Variants in ARL5C observed in about 807,000 individuals in gnomAD.
ARL5C encodes the protein putative ADP-ribosylation factor-like protein 5C.
Under a neutral mutation model 20.8 loss-of-function variants are expected in ARL5C, and 21 were observed. The observed-to-expected ratio is 1.01, with a 90% confidence interval of 0.72 to 1.46. ARL5C has a LOEUF of 1.46. Ranked by LOEUF, ARL5C falls within the 40% of genes most tolerant of loss-of-function variation. The probability of loss-of-function intolerance (pLI) is 0.00; values close to 1 mark genes in which losing one functional copy is unlikely to be tolerated. For missense variants in ARL5C, 199 were observed against 225.1 expected, an observed-to-expected ratio of 0.88 and a Z score of 0.74; for synonymous variants, 71 against 81.6, an observed-to-expected ratio of 0.87 and a Z score of 0.70.
intron 5 of ARL5C, chr17:39,160,348 G>A: frequency 2.3e-6 from 1 of 438,534 alleles, no homozygotes; most frequent in Non-Finnish European, 4.1e-6. Flanking sequence ...AAGAGAGAGA[G>A]ATTATTGCAT....
At chr17:39,159,457 C>T (rs112550772) in intron 5 of ARL5C, among the ~76,000 whole-genome samples, 7 of 151,876 alleles carry the variant, frequency 4.6e-5, no homozygotes, top group Admixed American at 2.0e-4. Context: ...CCACCACACC[C>T]GGCTAATTTT....
rs2045430533 is a variant in ARL5C at position 39,160,757 on chromosome 17, G to A, written c.340-15C>T. 6.5e-7 allele frequency: 1 copy of A among 1,550,030 alleles called. No homozygotes were observed. The highest frequency in any genetic ancestry group is 8.7e-7 in the Non-Finnish European group (1 of 1,146,648). ...TCCTGTAGAGCCTGTGGACAGAGGAGCCCAGCCCCAGTCAGCCTGCTAGTG... is the reference window on the plus strand; with the variant it reads ...TCCTGTAGAGCCTGTGGACAGAGGAACCCAGCCCCAGTCAGCCTGCTAGTG... On this transcript the variant is annotated splice_polypyrimidine_tract_variant and intron_variant, in intron 4 of 5. Coordinates refer to ENST00000269586, the MANE Select transcript of ARL5C (RefSeq NM_001143968.1).
intron 4 of ARL5C, 89 bp from the exon 5 acceptor site, chr17:39,160,831 C>T (rs1222281296): frequency 3.4e-6 from 5 of 1,464,124 alleles, no homozygotes; most frequent in Non-Finnish European, 4.6e-6. Flanking sequence ...GCTCCCTCTC[C>T]AGCTGTCCCA....
In ARL5C at chr17:39,157,023, G is replaced by A. The variant is rs1176343362; in HGVS notation, c.492-81C>T. On this transcript the variant is annotated intron_variant, in intron 5 of 5. Coordinates refer to ENST00000269586, the MANE Select transcript of ARL5C (RefSeq NM_001143968.1). ...CAAGTCTCCAGCCCTTGCCCAGATC[G>A]GACTGGGTGCAGGAACCAAAGTTAC... 41 of 1,490,692 alleles carry A rather than the reference G, an allele frequency of 2.8e-5. No individual in the cohort carries two copies. In the East Asian group the frequency reaches 7.9e-4, roughly 29 times the overall value. 92.3% of individuals were successfully genotyped at this position (1,490,692 alleles called of 1,614,324 possible).
chr17:39,161,383 G>T (rs34799012), intron 3 of ARL5C, 32 bp from the exon 4 acceptor site: 17 of 1,541,750 alleles, frequency 1.1e-5, no homozygotes, highest in East Asian at 7.3e-5. Flanking sequence ...TGAGAGACAG[G>T]CTTTCTCTTT....
chr17:39,162,989 T>G, intron 2 of ARL5C, 131 bp from the exon 3 acceptor site: 1 of 1,090,646 alleles, frequency 9.2e-7, no homozygotes, highest in Non-Finnish European at 1.3e-6. Context: ...AAACACCTGC[T>G]CGGAGCCAGG....
At chr17:39,158,422 T>C (rs1417954033) in intron 5 of ARL5C, among the ~76,000 whole-genome samples, 1 of 152,062 alleles carries the variant, frequency 6.6e-6, no homozygotes, top group Non-Finnish European at 1.5e-5. Context: ...ACACCAGCCA[T>C]GGGCAACGTG....
chr17:39,158,301 A>C (rs495969), intron 5 of ARL5C, among the ~76,000 whole-genome samples: 11,794 of 151,928 alleles, frequency 0.078, 554 homozygotes, highest in East Asian at 0.16. Flanking sequence ...GACTTGCCTA[A>C]AGTCTCCCCT....
intron 5 of ARL5C, among the ~76,000 whole-genome samples, chr17:39,159,999 C>G (rs1297929620): frequency 6.6e-6 from 1 of 152,220 alleles, no homozygotes; most frequent in Non-Finnish European, 1.5e-5. Flanking sequence ...CCTTCCATTT[C>G]TGGTAACCAG....
chr17:39,165,307 G>A, intron 1 of ARL5C, 168 bp from the exon 2 acceptor site: 2 of 655,938 alleles, frequency 3.0e-6, no homozygotes, highest in African/African-American at 1.8e-5. Context: ...GCCCCACTCC[G>A]GGACGGTGGA....
At position 39,160,693 on chromosome 17, in the gene ARL5C, T is replaced by C. The variant is rs772078985; in HGVS notation, c.389A>G (p.Lys130Arg). ...GATCTCCACCATCCTCATGGAGTCC[T>C]TCACGTCCTGCTTATTGGCAAATAT... ...VLIFANKQDV[K>R]DSMRMVEISH... The change falls in exon 5 of 6, where the codon AAG becomes AGG. Residue 130 changes from lysine to arginine, a missense_variant. Lys to Arg is a conservative substitution (Grantham distance 26). Transcript: ENST00000269586. 2.1e-5 allele frequency: 33 copies of C among 1,551,778 alleles called. No individual in the cohort carries two copies. The highest frequency in any genetic ancestry group is 2.8e-5 in the Non-Finnish European group (32 of 1,147,018).
intron 2 of ARL5C, chr17:39,164,230 T>C (rs1031857414): frequency 2.0e-5 from 3 of 152,212 alleles, no homozygotes; most frequent in Non-Finnish European, 4.4e-5. Context: ...CGCCCGGCCA[T>C]GGTTTTGCAT....
At chr17:39,165,543 C>T (rs1348965324) in intron 1 of ARL5C, 172 bp downstream of exon 1, 73 of 757,008 alleles carry the variant, frequency 9.6e-5, no homozygotes, top group Non-Finnish European at 1.1e-5. Context: ...AGCGCCGGGA[C>T]CCAAGAGGAG....
chr17:39,162,690 C>T, intron 3 of ARL5C, 21 bp downstream of exon 3: 1 of 1,549,496 alleles, frequency 6.5e-7, no homozygotes, highest in Non-Finnish European at 8.7e-7. Context: ...GGAGACCCTT[C>T]AGCCCTGGTG....
chr17:39,164,520 T>A (rs1261833964), intron 2 of ARL5C, among the ~76,000 whole-genome samples: 1 of 152,212 alleles, frequency 6.6e-6, no homozygotes, highest in Non-Finnish European at 1.5e-5. Context: ...TATAATTTTT[T>A]AAAATCATTA....
At chr17:39,156,874 G>C, downstream of ARL5C, 1 of 1,551,652 alleles carries the variant, frequency 6.4e-7, no homozygotes, top group Non-Finnish European at 8.7e-7. Flanking sequence ...AAAGTTTCTG[G>C]TTGACCTCAG....
chr17:39,164,782 G>A (rs1397632118), intron 2 of ARL5C, among the ~76,000 whole-genome samples: 1 of 152,182 alleles, frequency 6.6e-6, no homozygotes, highest in Non-Finnish European at 1.5e-5. Flanking sequence ...TGCCGCTAGA[G>A]GGAGCGAAGA....
intron 5 of ARL5C, among the ~76,000 whole-genome samples, chr17:39,158,107 A>AGGAGGGAGGGAG (rs371365476): frequency 2.1e-4 from 25 of 117,192 alleles, no homozygotes; most frequent in African/African-American, 7.6e-4. Context: ...AAGAAAGGGA[A>AGGAGGGAGGGAG]GGAGGGAGGG....
intron 3 of ARL5C, among the ~76,000 whole-genome samples, chr17:39,162,224 C>A (rs1042679910): frequency 6.6e-6 from 1 of 152,176 alleles, no homozygotes; most frequent in African/African-American, 2.4e-5. Flanking sequence ...TGTTGAGTAT[C>A]TGACATATAT....
Sources: allele counts gnomAD v4.1 joint callset (sites outside exome capture counted in the v4.1 genomes callset), GRCh38; gene constraint gnomAD v4.1.1; transcripts MANE v1.5; gene names NCBI Gene and HGNC (gene_info 2026-07-23, HGNC 2026-07-21).